SASH1: variants seen among roughly 807,000 people sequenced by gnomAD.
The protein encoded by SASH1 is SAM and SH3 domain-containing protein 1.
A neutral mutation model predicts 125.2 loss-of-function variants in SASH1; 44 were observed. That is an observed-to-expected ratio of 0.35 (90% CI 0.28 to 0.45). SASH1 has a LOEUF of 0.45. Ranked by LOEUF, SASH1 falls within the 20% of genes least tolerant of loss-of-function variation. The probability of loss-of-function intolerance (pLI) is 1.00; values close to 1 mark genes in which losing one functional copy is unlikely to be tolerated. For missense variants in SASH1, 1,426 were observed against 1,614.5 expected, an observed-to-expected ratio of 0.88 and a Z score of 2.00; for synonymous variants, 639 against 649.1, an observed-to-expected ratio of 0.98 and a Z score of 0.24.
the SASH1 span, among the ~76,000 whole-genome samples, chr6:148,214,147 G>T: frequency 6.6e-6 from 1 of 152,228 alleles, no homozygotes; most frequent in African/African-American, 2.4e-5. Context: ...ATTCAGGCTG[G>T]CTTTTTTCTG....
the SASH1 span, among the ~76,000 whole-genome samples, chr6:148,244,888 G>A: frequency 6.6e-6 from 1 of 151,730 alleles, no homozygotes; most frequent in South Asian, 2.1e-4. Flanking sequence ...GGGGCCTGGG[G>A]CCTGAGGCCT....
At chr6:148,296,073 A>G (rs756165280) in intron 1 of SASH1, among the ~76,000 whole-genome samples, 1 of 152,128 alleles carries the variant, frequency 6.6e-6, no homozygotes, top group Non-Finnish European at 1.5e-5. Context: ...AATACTTGTT[A>G]AAAAGCAAAT....
At chr6:148,479,082 C>T (rs1778500140) in intron 7 of SASH1, 2 of 148,050 alleles carry the variant, frequency 1.4e-5, no homozygotes, top group African/African-American at 2.5e-5. Flanking sequence ...GGAGTTTTGC[C>T]CTTTCAGCCA....
At chr6:148,272,829 A>G (rs950852736) in intron 1 of SASH1, among the ~76,000 whole-genome samples, 5 of 152,174 alleles carry the variant, frequency 3.3e-5, no homozygotes, top group Non-Finnish European at 7.3e-5. Context: ...CCATCCGATT[A>G]ACCATTTAGT....
chr6:148,239,382 C>T, the SASH1 span, among the ~76,000 whole-genome samples: 4,886 of 152,238 alleles, frequency 0.032, 117 homozygotes, highest in South Asian at 0.059. Context: ...CAGGGCTGCC[C>T]CTCCCACACG....
rs1776787067 is a variant in SASH1, at chr6:148,446,302, G to A, written c.386+5895G>A. ...TTTTTGTATTTTTAGTAGAGACGGGGTTTCACCGTGTTAGCCAGGATGGTC... is the reference window on the plus strand; with the variant it reads ...TTTTTGTATTTTTAGTAGAGACGGGATTTCACCGTGTTAGCCAGGATGGTC... On this transcript the variant is annotated intron_variant, in intron 4 of 19. Coordinates refer to ENST00000367467, the MANE Select transcript of SASH1 (RefSeq NM_015278.5). 2.0e-5 allele frequency among the ~76,000 whole-genome samples: 3 copies of A among 151,894 alleles called. No individual in the cohort carries two copies. In the South Asian group the frequency reaches 6.3e-4, roughly 32 times the overall value.
intron 2 of SASH1, among the ~76,000 whole-genome samples, chr6:148,395,280 T>C (rs1482902238): frequency 6.6e-6 from 1 of 152,184 alleles, no homozygotes; most frequent in African/African-American, 2.4e-5. Flanking sequence ...AGTCAAAAAA[T>C]GCATTGTCCT....
chr6:148,349,931 C>T (rs1285823596), intron 1 of SASH1, among the ~76,000 whole-genome samples: 2 of 151,708 alleles, frequency 1.3e-5, no homozygotes, highest in Non-Finnish European at 2.9e-5. Flanking sequence ...CTGCAAGCTC[C>T]TCCTCCCGGG....
chr6:148,245,881 C>T, the SASH1 span, among the ~76,000 whole-genome samples: 5 of 151,430 alleles, frequency 3.3e-5, no homozygotes, highest in African/African-American at 1.2e-4. Context: ...CCCAGCTACT[C>T]GGGAGGCTGA....
At chr6:148,421,189 G>GAAAGAA (rs1562396685) in intron 2 of SASH1, among the ~76,000 whole-genome samples, 1 of 144,396 alleles carries the variant, frequency 6.9e-6, no homozygotes, top group East Asian at 2.2e-4. Context: ...AAGAAAGAAA[G>GAAAGAA]AAAGAAAGAA....
intron 1 of SASH1, among the ~76,000 whole-genome samples, chr6:148,376,695 C>G (rs577010896): frequency 1.2e-3 from 188 of 151,834 alleles, no homozygotes; most frequent in Middle Eastern, 3.4e-3. Context: ...AAACTCCCAT[C>G]TCTACAAAAA....
At chr6:148,340,007 G>A (rs569529105), upstream of SASH1, among the ~76,000 whole-genome samples, 1 of 152,166 alleles carries the variant, frequency 6.6e-6, no homozygotes, top group Admixed American at 6.5e-5. Flanking sequence ...TTTGCCCCAG[G>A]TCATCTGATG....
At chr6:148,307,082 TTCTTTCTTTCTTTCTC>T (rs1198948653) in intron 1 of SASH1, among the ~76,000 whole-genome samples, 167 of 124,044 alleles carry the variant, frequency 1.3e-3, no homozygotes, top group Non-Finnish European at 2.3e-3. Context: ...CTTTCTTTCT[TTCTTTCTTTCTTTCTC>T]TCTCTCTGTC....
chr6:148,383,300 A>T (rs1395567622), intron 1 of SASH1, among the ~76,000 whole-genome samples: 2 of 152,232 alleles, frequency 1.3e-5, no homozygotes, highest in Admixed American at 1.3e-4. Flanking sequence ...ATTGTACCAT[A>T]GTGATTTCTT....
At chr6:148,242,878 C>G in the SASH1 span, among the ~76,000 whole-genome samples, 11 of 152,190 alleles carry the variant, frequency 7.2e-5, no homozygotes, top group Admixed American at 3.3e-4. Context: ...GGCTCTGGCT[C>G]TATGCTGGGT....
intron 1 of SASH1, among the ~76,000 whole-genome samples, chr6:148,380,474 G>C (rs1783087364): frequency 3.9e-5 from 6 of 152,174 alleles, no homozygotes; most frequent in Admixed American, 3.9e-4. Flanking sequence ...TGTGATTCAT[G>C]CTCATCAAGA....
At chr6:148,396,478 G>GAAAAAAAAAACAAA in intron 2 of SASH1, among the ~76,000 whole-genome samples, 1 of 63,788 alleles carries the variant, frequency 1.6e-5, no homozygotes, top group Non-Finnish European at 2.8e-5. Context: ...CTGCATCTCA[G>GAAAAAAAAAACAAA]AAAAAAAAAA....
the SASH1 span, among the ~76,000 whole-genome samples, chr6:148,235,477 T>C: frequency 3.3e-5 from 5 of 152,226 alleles, no homozygotes; most frequent in Admixed American, 2.0e-4. Context: ...TTTTCCACAG[T>C]ATATGTTAAA....
chr6:148,340,173 C>T (rs1399389452), upstream of SASH1, among the ~76,000 whole-genome samples: 1 of 152,106 alleles, frequency 6.6e-6, no homozygotes, highest in African/African-American at 2.4e-5. Context: ...GCACAGTCCT[C>T]TGCATCTTCT....
Sources: allele counts gnomAD v4.1 joint callset (sites outside exome capture counted in the v4.1 genomes callset), GRCh38; gene constraint gnomAD v4.1.1; transcripts MANE v1.5; gene names NCBI Gene and HGNC (gene_info 2026-07-23, HGNC 2026-07-21).